GSG1L: variants seen among roughly 807,000 people sequenced by gnomAD.
GSG1L encodes germ cell-specific gene 1-like protein.
Under a neutral mutation model 42.1 loss-of-function variants are expected in GSG1L, and 24 were observed. The observed-to-expected ratio is 0.57, with a 90% CI of 0.41 to 0.80. The LOEUF (loss-of-function observed/expected upper bound fraction) is 0.80. Ranked by LOEUF, GSG1L falls within the 30% of genes least tolerant of loss-of-function variation. GSG1L has a pLI of 0.00. For missense variants in GSG1L, 445 were observed against 472.2 expected (o/e 0.94, Z 0.53); for synonymous variants, 215 against 203.5 (o/e 1.06, Z -0.48).
intron 2 of GSG1L, among the ~76,000 whole-genome samples, chr16:27,912,291 A>G (rs2084400861): frequency 6.6e-6 from 1 of 152,148 alleles, no homozygotes. Context: ...AGGCAGGAGG[A>G]TCGCTTAAGC....
intron 3 of GSG1L, chr16:27,850,335 C>G (rs2083496144): frequency 2.8e-6 from 1 of 352,646 alleles, no homozygotes; most frequent in South Asian, 2.2e-5. Flanking sequence ...CTTGAAATGC[C>G]TATTTTATAT....
intron 1 of GSG1L, among the ~76,000 whole-genome samples, chr16:28,055,000 C>T (rs1238639468): frequency 6.6e-6 from 1 of 152,150 alleles, no homozygotes; most frequent in Non-Finnish European, 1.5e-5. Context: ...CTACTCCTTC[C>T]TCACGTCACT....
intron 1 of GSG1L, among the ~76,000 whole-genome samples, chr16:27,991,479 C>T (rs2085455648): frequency 6.6e-6 from 1 of 151,772 alleles, no homozygotes; most frequent in East Asian, 1.9e-4. Context: ...AATCTCGGCT[C>T]ACTGCAACCG....
chr16:27,881,476 G>A (rs943012625), intron 3 of GSG1L, among the ~76,000 whole-genome samples: 6 of 152,014 alleles, frequency 3.9e-5, no homozygotes, highest in East Asian at 1.9e-4. Flanking sequence ...TCCTGACCTC[G>A]TGATCCACCC....
At chr16:27,909,006 G>A (rs1191762322) in intron 2 of GSG1L, among the ~76,000 whole-genome samples, 1 of 152,078 alleles carries the variant, frequency 6.6e-6, no homozygotes, top group African/African-American at 2.4e-5. Context: ...TCAAGCCCTG[G>A]TGCCTACACT....
intron 3 of GSG1L, among the ~76,000 whole-genome samples, chr16:27,862,329 T>C (rs996224278): frequency 6.6e-6 from 1 of 152,084 alleles, no homozygotes; most frequent in Non-Finnish European, 1.5e-5. Context: ...CAGGAGAAAC[T>C]GAAGCCCTGA....
At chr16:27,827,868 AT>A (rs1220012657) in intron 5 of GSG1L, among the ~76,000 whole-genome samples, 2 of 84,008 alleles carry the variant, frequency 2.4e-5, no homozygotes, top group Non-Finnish European at 5.5e-5. Flanking sequence ...CCATCCATCC[AT>A]CCATCCATCC....
chr16:27,865,523 CTATATATATATATATATATATA>C (rs1172385916), intron 3 of GSG1L, among the ~76,000 whole-genome samples: 5 of 58,268 alleles, frequency 8.6e-5, no homozygotes, highest in East Asian at 5.5e-4. Context: ...CTCTCTCTTT[CTATATATATATATATATATATA>C]TATATATATA....
chr16:27,849,860 C>T (rs74566960), intron 3 of GSG1L, among the ~76,000 whole-genome samples: 2 of 149,624 alleles, frequency 1.3e-5, no homozygotes, highest in Admixed American at 6.7e-5. Flanking sequence ...CAATAGGACT[C>T]GCTGTTGGGC....
chr16:27,942,063 C>T (rs1352750560), intron 2 of GSG1L, among the ~76,000 whole-genome samples: 1 of 151,630 alleles, frequency 6.6e-6, no homozygotes, highest in Non-Finnish European at 1.5e-5. Flanking sequence ...TATTTAATGC[C>T]ACTGAACTGT....
intron 3 of GSG1L, among the ~76,000 whole-genome samples, chr16:27,882,266 C>A (rs1260236418): frequency 6.6e-6 from 1 of 152,158 alleles, no homozygotes; most frequent in Non-Finnish European, 1.5e-5. Context: ...GATTGTGAGG[C>A]CTCCCCAGCC....
At chr16:27,912,631 A>G (rs115662074) in intron 2 of GSG1L, among the ~76,000 whole-genome samples, 177 of 152,362 alleles carry the variant, frequency 1.2e-3, no homozygotes, top group African/African-American at 4.1e-3. Context: ...GAAGATAGCA[A>G]ACGCTGGTGA....
At chr16:27,928,875 C>G (rs921859169) in intron 2 of GSG1L, among the ~76,000 whole-genome samples, 5 of 152,246 alleles carry the variant, frequency 3.3e-5, no homozygotes, top group African/African-American at 9.6e-5. Flanking sequence ...TTCTGTCCCT[C>G]TTTGCTTCCC....
chr16:27,823,110 A>T (rs2083167272), intron 5 of GSG1L, among the ~76,000 whole-genome samples: 2 of 152,152 alleles, frequency 1.3e-5, no homozygotes, highest in East Asian at 3.9e-4. Flanking sequence ...CCCAATCTGC[A>T]AATATTTACC....
intron 2 of GSG1L, among the ~76,000 whole-genome samples, chr16:27,891,453 T>TA (rs397735548): frequency 6.6e-6 from 1 of 151,548 alleles, no homozygotes; most frequent in Admixed American, 6.6e-5. Context: ...AACTTTTTTT[T>TA]ATTATTTGTT....
At chr16:28,005,697 C>T (rs2141149125) in intron 1 of GSG1L, among the ~76,000 whole-genome samples, 1 of 152,234 alleles carries the variant, frequency 6.6e-6, no homozygotes, top group Admixed American at 6.5e-5. Context: ...GCCTCAGTTT[C>T]CTATTCCTAA....
intron 3 of GSG1L, among the ~76,000 whole-genome samples, chr16:27,848,258 A>C (rs1253066137): frequency 6.6e-6 from 1 of 152,184 alleles, no homozygotes; most frequent in Non-Finnish European, 1.5e-5. Flanking sequence ...CTCTCCCCTG[A>C]ATCCCCAGCG....
In GSG1L at chr16:27,884,335, T is replaced by C. The variant is rs1234633593; in HGVS notation, c.550+151A>G. ...GTATTAGATGCTCAGTCAATATGCA[T>C]TGGTCATTTTTTACAAACGATAAAA... On this transcript the variant is annotated intron_variant, in intron 3 of 6. Coordinates refer to ENST00000447459, the MANE Select transcript of GSG1L (RefSeq NM_001109763.2). The surrounding 1 kb of genome is among the most constrained non-coding windows in gnomAD (Gnocchi z 4.4). 8 of 683,004 alleles carry C rather than the reference T, an allele frequency of 1.2e-5. No individual in the cohort carries two copies. Among genetic ancestry groups the C allele is most frequent in the Admixed American group, 3.0e-5 (1 of 33,884 alleles). The allele number at this position is 683,004 out of a possible 1,614,324, so 42.3% of individuals were successfully genotyped here. A position where few individuals can be genotyped will look rare whatever the true frequency, so the allele number is the denominator to read the frequency against.
intron 1 of GSG1L, among the ~76,000 whole-genome samples, chr16:28,037,352 T>G (rs1159980961): frequency 2.0e-5 from 3 of 152,226 alleles, no homozygotes; most frequent in African/African-American, 7.2e-5. Context: ...GTATCTTTCT[T>G]AATTCTTAGA....
Sources: allele counts gnomAD v4.1 joint callset (sites outside exome capture counted in the v4.1 genomes callset), GRCh38; gene constraint gnomAD v4.1.1; non-coding constraint Gnocchi (gnomAD v3.1); transcripts MANE v1.5; gene names NCBI Gene and HGNC (gene_info 2026-07-23, HGNC 2026-07-21).